The following DYNC2H1 variants were observed in gnomAD, a reference collection of about 807,000 sequenced individuals.
DYNC2H1 encodes the protein dynein cytoplasmic 2 heavy chain 1, also known as cytoplasmic dynein 2 heavy chain 1.
A neutral mutation model predicts 570.0 loss-of-function variants in DYNC2H1; 410 were observed. That is an observed-to-expected ratio of 0.72 (90% CI 0.66 to 0.78). DYNC2H1 has a LOEUF of 0.78. Ranked by LOEUF, DYNC2H1 falls within the 30% of genes least tolerant of loss-of-function variation. The pLI, the probability that DYNC2H1 is intolerant of heterozygous loss-of-function variation, is 0.00. For synonymous variants in DYNC2H1, 1,688 were observed against 1,677.6 expected, an observed-to-expected ratio of 1.01 and a Z score of -0.15; for missense variants, 4,865 against 5,046.4, an observed-to-expected ratio of 0.96 and a Z score of 1.09.
intron 83 of DYNC2H1, among the ~76,000 whole-genome samples, chr11:103,393,176 A>G (rs1350376457): frequency 6.6e-6 from 1 of 152,208 alleles, no homozygotes; most frequent in African/African-American, 2.4e-5. Context: ...GAGCCATGGC[A>G]CCCAGCCAGA....
At chr11:103,387,367 ATTTG>A (rs1375989250) in intron 83 of DYNC2H1, among the ~76,000 whole-genome samples, 1 of 152,032 alleles carries the variant, frequency 6.6e-6, no homozygotes, top group Admixed American at 6.6e-5. Flanking sequence ...TCTCTTGCAA[ATTTG>A]TTTGAGTTCA....
At chr11:103,194,727 T>G (rs1438637609) in intron 47 of DYNC2H1, among the ~76,000 whole-genome samples, 2 of 152,208 alleles carry the variant, frequency 1.3e-5, no homozygotes, top group African/African-American at 4.8e-5. Context: ...AAATTTTTTT[T>G]TTTAATTTGA....
In DYNC2H1 at chr11:103,115,041, G is replaced by A. The variant is rs1461984640; in HGVS notation, c.503-136G>A. On this transcript the variant is annotated intron_variant, in intron 3 of 88. Transcript: ENST00000375735. ...TATAGTATGAAATAGGAAACAATAA[G>A]GAAGTGTCACCTATTTGACCTCAGC... The A allele has an allele frequency of 1.2e-5, 6 of 518,318 alleles. No homozygotes were observed. In the East Asian group the frequency reaches 1.9e-4, roughly 17 times the overall value. The allele number at this position is 518,318 out of a possible 1,614,324, so 32.1% of individuals were successfully genotyped here. A position where few individuals can be genotyped will look rare whatever the true frequency, so the allele number is the denominator to read the frequency against.
chr11:103,307,350 A>G (rs1008579019), intron 77 of DYNC2H1, among the ~76,000 whole-genome samples: 1 of 152,148 alleles, frequency 6.6e-6, no homozygotes, highest in East Asian at 1.9e-4. Flanking sequence ...TAGCAATTGT[A>G]GCTAACACTT....
chr11:103,443,520 ATAATT>A (rs765748161), intron 85 of DYNC2H1, among the ~76,000 whole-genome samples: 5 of 151,958 alleles, frequency 3.3e-5, no homozygotes, highest in African/African-American at 7.2e-5. Flanking sequence ...TACAATAAAA[ATAATT>A]TAAGAAAATA....
chr11:103,353,831 G>A (rs542893773), intron 82 of DYNC2H1, among the ~76,000 whole-genome samples: 1 of 152,070 alleles, frequency 6.6e-6, no homozygotes, highest in South Asian at 2.1e-4. Context: ...TTGTTTTAAA[G>A]TAATCAATTA....
intron 78 of DYNC2H1, among the ~76,000 whole-genome samples, chr11:103,311,598 A>C (rs1482469022): frequency 2.0e-5 from 3 of 151,728 alleles, no homozygotes; most frequent in Non-Finnish European, 4.4e-5. Context: ...GAAAAAAAAA[A>C]CCTCTCAATC....
In DYNC2H1 at chr11:103,153,349, A is replaced by T. The variant is rs1565347370; in HGVS notation, c.3143A>T (p.Tyr1048Phe). 6.5e-7 allele frequency: 1 copy of T among 1,546,834 alleles called. No individual in the cohort carries two copies. Among genetic ancestry groups the T allele is most frequent in the Admixed American group, 2.0e-5 (1 of 50,224 alleles). ...GTGAAATCACGTCTTCAGATCTATT[A>T]TCAAGAACTGGAAAAATTTAAAGCT... ...GNVKSRLQIYYQELEKFKARW... is the reference protein window; with the variant it reads ...GNVKSRLQIYFQELEKFKARW... The change falls in exon 22 of 89, where the codon TAT (tyrosine) becomes TTT (phenylalanine). Residue 1048 changes from tyrosine (Y) to phenylalanine (F), a missense_variant. Tyr to Phe is a conservative substitution (Grantham distance 22). Around this residue, in one of 5 missense-constraint regions of DYNC2H1, gnomAD observed 1,936 missense variants for 1,962.1 expected, o/e 0.99. Transcript: ENST00000375735.
intron 84 of DYNC2H1, chr11:103,403,817 T>C (rs1307822162): frequency 6.6e-6 from 1 of 152,036 alleles, no homozygotes; most frequent in African/African-American, 2.4e-5. Context: ...TATATAAGAA[T>C]CAAAGCCTAA....
At chr11:103,172,993 T>A in intron 34 of DYNC2H1, 89 bp from the exon 35 acceptor site, 1 of 661,308 alleles carries the variant, frequency 1.5e-6, no homozygotes, top group Non-Finnish European at 2.1e-6. Context: ...ATTTTATGTT[T>A]ATAGTTTCAA....
In DYNC2H1 at chr11:103,170,724, T is replaced by A. The variant is rs1861532665; in HGVS notation, c.5152-162T>A. ...TTTTGTTTATCCCTTGAAATCAACC[T>A]GGGTTTTGAAAGAGTAGCTACTTAA... On this transcript the variant is annotated intron_variant, in intron 33 of 88. Coordinates refer to ENST00000375735, the MANE Select transcript of DYNC2H1 (RefSeq NM_001377.3). The surrounding 1 kb of genome is among the most constrained non-coding windows in gnomAD (Gnocchi z 4.8). Among the ~76,000 whole-genome samples, 1 of 152,220 alleles carries A rather than the reference T, an allele frequency of 6.6e-6. No homozygotes were observed. The highest frequency in any genetic ancestry group is 2.4e-5 in the African/African-American group (1 of 41,464).
At chr11:103,222,176 A>C (rs1326476974) in intron 58 of DYNC2H1, 23 bp downstream of exon 58, 1 of 1,471,036 alleles carries the variant, frequency 6.8e-7, no homozygotes. Context: ...TTATACTATA[A>C]ATTTGTTTTT....
intron 17 of DYNC2H1, among the ~76,000 whole-genome samples, chr11:103,137,076 T>A (rs949071882): frequency 7.4e-5 from 11 of 147,954 alleles, no homozygotes; most frequent in African/African-American, 2.7e-4. Flanking sequence ...TGGGGTTGTT[T>A]GTTTTTTTCT....
rs1293172689 is a variant in DYNC2H1, at chr11:103,395,265, GT to G, written c.12157-4391del. Among the ~76,000 whole-genome samples the G allele has an allele frequency of 6.6e-5, 10 of 151,962 alleles. No homozygotes were observed. The highest frequency in any genetic ancestry group is 1.5e-4 in the Non-Finnish European group (10 of 67,948). On this transcript the variant is annotated intron_variant, in intron 83 of 88. Transcript: ENST00000375735. The surrounding 1 kb of genome is among the most constrained non-coding windows in gnomAD (Gnocchi z 4.3). ...TATATGATTGAAAAGGTGTTAAAAT[GT>G]TTTTTTCATAGCTTGTTTCAAGAAA...
Position 103,121,488 on chromosome 11 carries a change from G to C in DYNC2H1, c.1477G>C (p.Glu493Gln), listed in dbSNP as rs769421794. ...VNSIVWVRQL[E>Q]LKVDDTIKIA... ...CAGTATAGTTTGGGTTCGCCAGTTG[G>C]AATTGAAGGTATTTATTTTAATAAA... is the stretch of plus-strand genomic sequence containing the variant. Residue 493 changes from glutamate to glutamine, a missense_variant, in exon 10 of 89, where the codon GAA (glutamate) becomes CAA (glutamine). Glu to Gln is a conservative substitution (Grantham distance 29, BLOSUM62 2). Around this residue, in one of 5 missense-constraint regions of DYNC2H1, gnomAD observed 1,936 missense variants for 1,962.1 expected, o/e 0.99. Transcript: ENST00000375735. The C allele has an allele frequency of 1.2e-6, 2 of 1,611,250 alleles. No individual in the cohort carries two copies. Among genetic ancestry groups the C allele is most frequent in the African/African-American group, 2.7e-5 (2 of 74,818 alleles).
intron 83 of DYNC2H1, among the ~76,000 whole-genome samples, chr11:103,383,198 CA>C (rs1416772163): frequency 6.6e-6 from 1 of 152,154 alleles, no homozygotes; most frequent in Non-Finnish European, 1.5e-5. Flanking sequence ...AAAAGAATCT[CA>C]AATGAACAGG....
chr11:103,260,967 A>G (rs746995960), intron 70 of DYNC2H1, among the ~76,000 whole-genome samples: 6 of 151,960 alleles, frequency 3.9e-5, no homozygotes, highest in Non-Finnish European at 7.4e-5. Flanking sequence ...AGCTTAAGAC[A>G]TAATGTTGCA....
At chr11:103,230,431 A>G (rs1863961186) in intron 59 of DYNC2H1, among the ~76,000 whole-genome samples, 1 of 152,158 alleles carries the variant, frequency 6.6e-6, no homozygotes, top group Admixed American at 6.6e-5. Flanking sequence ...CTGTAAAAGA[A>G]TCTTTTTATC....
In DYNC2H1 at chr11:103,373,974, A is replaced by G. The variant is rs374343440; in HGVS notation, c.12156+15615A>G. Among the ~76,000 whole-genome samples the G allele has an allele frequency of 5.3e-5, 8 of 152,226 alleles. No individual in the cohort carries two copies. The East Asian group carries it at 1.2e-3, about 22-fold the overall frequency. On this transcript the variant is annotated intron_variant, in intron 83 of 88. Transcript: ENST00000375735. ...TCTTTTAAAATTATTTGTGACTAAA[A>G]ATCTGTTCTATTTTATATAATATGT...
Sources: gnomAD v4.1 joint callset for allele counts (sites outside exome capture counted in the v4.1 genomes callset) on GRCh38, gnomAD v4.1.1 for gene constraint, gnomAD v4.1.1 regional missense constraint, Gnocchi (gnomAD v3.1) non-coding constraint, MANE v1.5 for transcripts, NCBI Gene and HGNC (gene_info 2026-07-23, HGNC 2026-07-21) for gene names.